Variants in TTLL11 observed in about 807,000 individuals in gnomAD.
TTLL11 encodes tubulin polyglutamylase TTLL11.
Under a neutral mutation model 51.7 loss-of-function variants are expected in TTLL11, and 42 were observed. The ratio of observed to expected loss-of-function variants is 0.81; its 90% CI spans 0.64 to 1.05. TTLL11 has a LOEUF of 1.05. Ranked by LOEUF, TTLL11 falls within the 50% of genes least tolerant of loss-of-function variation. The pLI, the probability that TTLL11 is intolerant of heterozygous loss-of-function variation, is 0.00. For synonymous variants in TTLL11, 381 were observed against 383.5 expected (o/e 0.99, Z 0.08); for missense variants, 799 against 940.4 (o/e 0.85, Z 1.97).
chr9:122,045,055 ATGATT>A, intron 1 of TTLL11, among the ~76,000 whole-genome samples: 1 of 152,088 alleles, frequency 6.6e-6, no homozygotes, highest in South Asian at 2.1e-4. Flanking sequence ...ATAGTGAACT[ATGATT>A]GCACCACTGC....
At chr9:121,934,314 T>C (rs567210603) in intron 6 of TTLL11, among the ~76,000 whole-genome samples, 4 of 152,310 alleles carry the variant, frequency 2.6e-5, no homozygotes, top group East Asian at 1.9e-4. Flanking sequence ...TGCCAAACTA[T>C]ATAACGTCAT....
intron 6 of TTLL11, among the ~76,000 whole-genome samples, chr9:121,926,988 C>T (rs919416405): frequency 1.3e-5 from 2 of 152,114 alleles, no homozygotes; most frequent in Non-Finnish European, 1.5e-5. Flanking sequence ...TGAAGGAGCT[C>T]TCGGGCCCCT....
intron 8 of TTLL11, among the ~76,000 whole-genome samples, chr9:121,850,430 G>T (rs1837634081): frequency 6.6e-6 from 1 of 152,142 alleles, no homozygotes; most frequent in South Asian, 2.1e-4. Flanking sequence ...GAGGGGTGGG[G>T]GTGAGGGGAG....
At chr9:121,883,747 A>G (rs1564287337) in intron 6 of TTLL11, among the ~76,000 whole-genome samples, 1 of 152,182 alleles carries the variant, frequency 6.6e-6, no homozygotes, top group African/African-American at 2.4e-5. Flanking sequence ...GAAGTACTAA[A>G]TGTTTAGTTA....
intron 1 of TTLL11, among the ~76,000 whole-genome samples, chr9:122,079,073 T>C (rs1389175030): frequency 2.6e-5 from 4 of 152,150 alleles, no homozygotes; most frequent in Non-Finnish European, 4.4e-5. Flanking sequence ...TGCACATATG[T>C]TTTCGTTTCT....
At chr9:122,046,254 G>A (rs1048121802) in intron 1 of TTLL11, among the ~76,000 whole-genome samples, 2 of 152,022 alleles carry the variant, frequency 1.3e-5, no homozygotes, top group Non-Finnish European at 2.9e-5. Context: ...CACGAGATCT[G>A]GTTGTTTAAA....
rs985453907 is a variant in TTLL11 at position 121,820,077 on chromosome 9, G to A, written c.*2510C>T. ...GTCTGCAGAGGAGGGGGCTGCTCCC[G>A]GGACAGAGGGGCCATGGTGGGCGGA... On this transcript the variant is annotated 3_prime_UTR_variant, in exon 9 of 9. Transcript: ENST00000321582. Among the ~76,000 whole-genome samples, 3 of 152,214 alleles carry A rather than the reference G, an allele frequency of 2.0e-5. No homozygotes were observed. The highest frequency in any genetic ancestry group is 6.5e-5 in the Admixed American group (1 of 15,284).
chr9:121,895,773 TGTGTGGGTG>T (rs1389811422), intron 6 of TTLL11, among the ~76,000 whole-genome samples: 4 of 78 alleles, frequency 0.051, no homozygotes, highest in African/African-American at 0.083. Context: ...TTTGTGTTAG[TGTGTGGGTG>T]TGTGTGTGTC....
At position 122,080,981 on chromosome 9, in the gene TTLL11, G is replaced by A. The variant is rs1401970680; in HGVS notation, c.462+11706C>T. Among the ~76,000 whole-genome samples the A allele has an allele frequency of 2.6e-5, 4 of 152,254 alleles. No homozygotes were observed. The East Asian group carries it at 7.7e-4, about 29-fold the overall frequency. On this transcript the variant is annotated intron_variant, in intron 1 of 8. Coordinates refer to ENST00000321582, the MANE Select transcript of TTLL11 (RefSeq NM_001139442.2). The stretch of plus-strand genomic sequence containing the variant: ...ATATATATGCCCAGAAGAAATACTG[G>A]AAAGAAATGCTTCAACGTGAAAGCA...
chr9:121,967,000 G>T (rs752065966), intron 6 of TTLL11, among the ~76,000 whole-genome samples: 1 of 152,014 alleles, frequency 6.6e-6, no homozygotes, highest in Non-Finnish European at 1.5e-5. Context: ...TTTCTCACAC[G>T]TGTCATTTCA....
In TTLL11 at chr9:122,081,955, C is replaced by T. The variant is rs146781855; in HGVS notation, c.462+10732G>A. Among the ~76,000 whole-genome samples, 1,060 of 152,216 alleles carry T rather than the reference C, an allele frequency of 7.0e-3. 7 individuals carry two copies. Among genetic ancestry groups the T allele is most frequent in the Non-Finnish European group, 9.1e-3 (617 of 68,006 alleles). On this transcript the variant is annotated intron_variant, in intron 1 of 8. Transcript: ENST00000321582. ...TGAAGCAAGACAAATGACAAATTAA[C>T]TTATGCAAAAAGTTTAACCTTGTTG...
At position 121,816,706 on chromosome 9, in the gene TTLL11, T is replaced by C. The variant is rs938161216; in HGVS notation, c.*5881A>G. 6.6e-6 allele frequency: 1 copy of C among 152,228 alleles called. No individual in the cohort carries two copies. Among genetic ancestry groups the C allele is most frequent in the African/African-American group, 2.4e-5 (1 of 41,408 alleles). 9.4% of individuals were successfully genotyped at this position (152,228 alleles called of 1,614,324 possible). A position where few individuals can be genotyped will look rare whatever the true frequency, so the allele number is the denominator to read the frequency against. On this transcript the variant is annotated 3_prime_UTR_variant, in exon 9 of 9. Coordinates refer to ENST00000321582, the MANE Select transcript of TTLL11 (RefSeq NM_001139442.2). ...TGTGCATCGTGTGTGCGTGCGTGTG[T>C]GTGCATGCATGCGCGCGTGTGTGTA...
At position 122,004,792 on chromosome 9, in the gene TTLL11, G is replaced by A. The variant is rs544473843; in HGVS notation, c.694-15022C>T. On this transcript the variant is annotated intron_variant, in intron 3 of 8. Transcript: ENST00000321582. ...AGTCTTTCCATGACACCACGTTGGC[G>A]GAGGCCATGGGGCAGTGAGCCTCAG... is the stretch of plus-strand genomic sequence containing the variant. Among the ~76,000 whole-genome samples, 13 of 152,336 alleles carry A rather than the reference G, an allele frequency of 8.5e-5. No homozygotes were observed. The South Asian group carries it at 1.0e-3, about 12-fold the overall frequency.
At chr9:122,035,342 G>A (rs955384274) in intron 2 of TTLL11, among the ~76,000 whole-genome samples, 2 of 152,182 alleles carry the variant, frequency 1.3e-5, no homozygotes, top group African/African-American at 4.8e-5. Context: ...TAATTCAGGT[G>A]GGAGTTTCTG....
chr9:121,967,310 C>T (rs755100958), intron 6 of TTLL11, among the ~76,000 whole-genome samples: 7 of 150,088 alleles, frequency 4.7e-5, no homozygotes, highest in African/African-American at 7.4e-5. Context: ...TTGCAACCTC[C>T]GCCTCCCGGG....
chr9:122,091,924 C>T (rs2805905), intron 1 of TTLL11, among the ~76,000 whole-genome samples: 2,346 of 152,310 alleles, frequency 0.015, 66 homozygotes, highest in African/African-American at 0.054. Flanking sequence ...TCATTCACTG[C>T]TTACTGACAC....
chr9:122,005,694 T>C (rs1843620391), intron 3 of TTLL11, among the ~76,000 whole-genome samples: 2 of 152,146 alleles, frequency 1.3e-5, no homozygotes, highest in African/African-American at 4.8e-5. Flanking sequence ...AAAAATCAAA[T>C]GCCCTCCAGC....
At chr9:122,020,629 T>C (rs1844143572) in intron 3 of TTLL11, among the ~76,000 whole-genome samples, 2 of 152,238 alleles carry the variant, frequency 1.3e-5, no homozygotes, top group African/African-American at 4.8e-5. Flanking sequence ...ACCCCACCTC[T>C]GCATTCAGAT....
chr9:121,896,024 G>T (rs1350640861), intron 6 of TTLL11, among the ~76,000 whole-genome samples: 1 of 132,932 alleles, frequency 7.5e-6, no homozygotes, highest in East Asian at 2.4e-4. Flanking sequence ...TTGTGTGTGT[G>T]TATGAATGTG....
Sources: allele counts gnomAD v4.1 joint callset (sites outside exome capture counted in the v4.1 genomes callset), GRCh38; gene constraint gnomAD v4.1.1; transcripts MANE v1.5; gene names NCBI Gene and HGNC (gene_info 2026-07-23, HGNC 2026-07-21).